Variants in CACNA1A observed in about 807,000 individuals in gnomAD.
CACNA1A encodes the protein calcium voltage-gated channel subunit alpha1 A.
Under a neutral mutation model 262.4 loss-of-function variants are expected in CACNA1A, and 57 were observed. That is an observed-to-expected ratio of 0.22 (90% CI 0.18 to 0.27). The LOEUF (loss-of-function observed/expected upper bound fraction) is 0.27, where lower values mean the gene tolerates loss of function less well. Among genes scored for constraint, CACNA1A ranks in the 10% least tolerant of loss-of-function variants. The pLI is 1.00. For synonymous variants in CACNA1A, 1,431 were observed against 1,419.3 expected (o/e 1.01, Z -0.18); for missense variants, 2,526 against 3,562.8 (o/e 0.71, Z 7.41).
chr19:13,492,727 A>G (rs1201476026), intron 1 of CACNA1A, among the ~76,000 whole-genome samples: 1 of 152,174 alleles, frequency 6.6e-6, no homozygotes. Context: ...TTCCTTTGGA[A>G]AAAAACAAAA....
intron 38 of CACNA1A, among the ~76,000 whole-genome samples, chr19:13,216,285 G>C (rs1455398142): frequency 2.0e-5 from 3 of 152,260 alleles, no homozygotes; most frequent in South Asian, 4.1e-4. Context: ...TGCTAATGGG[G>C]TGTGCACCAT....
At chr19:13,418,360 C>T (rs986167961) in intron 3 of CACNA1A, among the ~76,000 whole-genome samples, 1 of 152,060 alleles carries the variant, frequency 6.6e-6, no homozygotes, top group African/African-American at 2.4e-5. Context: ...GATGTCAGAA[C>T]CTGAATTCAA....
Position 13,261,156 on chromosome 19 carries a change from C to G in CACNA1A, c.4250+294G>C, listed in dbSNP as rs982380680. The G allele has an allele frequency of 1.7e-4, 51 of 307,800 alleles. No individual in the cohort carries two copies. The East Asian group carries it at 2.8e-3, about 17-fold the overall frequency. The allele number at this position is 307,800 out of a possible 1,614,324, so 19.1% of individuals were successfully genotyped here. On this transcript the variant is annotated intron_variant, in intron 26 of 46. Transcript: ENST00000360228. ...ATTCTCAACTTTGAAACACATCTGC[C>G]TGTAACGATTTCAAGTAAGGAACTG...
chr19:13,345,998 T>G (rs2058757794), intron 6 of CACNA1A, among the ~76,000 whole-genome samples: 1 of 150,236 alleles, frequency 6.7e-6, no homozygotes, highest in South Asian at 2.1e-4. Context: ...TCTCCTGGGT[T>G]CAAGCGATTC....
In CACNA1A at chr19:13,375,597, G is replaced by C. The variant is rs575118956; in HGVS notation, c.540-3818C>G. 7.2e-5 allele frequency among the ~76,000 whole-genome samples: 11 copies of C among 152,170 alleles called. 1 individual carries two copies. Among genetic ancestry groups the C allele is most frequent in the African/African-American group, 2.4e-4 (10 of 41,524 alleles). ...GAGCCTAGGAGTTTGAGACTAGCTTGGGCAAAATAGGGAGACCCTATCTCT... is the reference window on the plus strand; with the variant it reads ...GAGCCTAGGAGTTTGAGACTAGCTTCGGCAAAATAGGGAGACCCTATCTCT... On this transcript the variant is annotated intron_variant, in intron 3 of 46. Coordinates refer to ENST00000360228, the MANE Select transcript of CACNA1A (RefSeq NM_001127222.2).
At chr19:13,461,566 G>A (rs1171211488) in intron 1 of CACNA1A, among the ~76,000 whole-genome samples, 1 of 152,194 alleles carries the variant, frequency 6.6e-6, no homozygotes, top group East Asian at 1.9e-4. Flanking sequence ...GGCATGGTAA[G>A]AGATGCCTCG....
At chr19:13,231,603 G>C (rs2055669040) in intron 35 of CACNA1A, 107 bp downstream of exon 35, 4 of 1,179,326 alleles carry the variant, frequency 3.4e-6, no homozygotes, top group African/African-American at 3.1e-5. Context: ...GAGAAGCCTT[G>C]GAGGGAACAA....
intron 28 of CACNA1A, among the ~76,000 whole-genome samples, chr19:13,255,705 TTCCCTCCCTCCCTCCTTCTCTCCC>T (rs1555743382): frequency 6.3e-5 from 2 of 31,850 alleles, no homozygotes; most frequent in African/African-American, 2.4e-4. Flanking sequence ...CCCTCCTTCC[TTCCCTCCCTCCCTCCTTCTCTCCC>T]TCCCTCCTTC....
At chr19:13,459,727 G>A (rs1011517753) in intron 1 of CACNA1A, among the ~76,000 whole-genome samples, 13 of 152,128 alleles carry the variant, frequency 8.5e-5, no homozygotes, top group African/African-American at 2.9e-4. Context: ...CTCCTTACAC[G>A]CGCTTCTGCC....
At chr19:13,502,475 A>G (rs1048257507) in intron 1 of CACNA1A, among the ~76,000 whole-genome samples, 1 of 151,848 alleles carries the variant, frequency 6.6e-6, no homozygotes, top group African/African-American at 2.4e-5. Context: ...TGGGGAGGGA[A>G]CTCTAGGAAG....
chr19:13,233,920 G>A (rs1047705897), intron 34 of CACNA1A, among the ~76,000 whole-genome samples: 4 of 151,708 alleles, frequency 2.6e-5, no homozygotes, highest in Non-Finnish European at 2.9e-5. Flanking sequence ...CTATTTCCTG[G>A]TGCATCCTCG....
At chr19:13,415,775 T>TAAAAAAAAAAAAAAAAAAA (rs1568623943) in intron 3 of CACNA1A, among the ~76,000 whole-genome samples, 4 of 83,778 alleles carry the variant, frequency 4.8e-5, no homozygotes, top group Non-Finnish European at 1.0e-4. Flanking sequence ...AAAAAAAAAG[T>TAAAAAAAAAAAAAAAAAAA]AGATGGGGCC....
At chr19:13,357,197 AC>A (rs2059020892) in intron 6 of CACNA1A, among the ~76,000 whole-genome samples, 1 of 152,024 alleles carries the variant, frequency 6.6e-6, no homozygotes, top group Non-Finnish European at 1.5e-5. Context: ...AAATTCCTTA[AC>A]CCATTTATGC....
chr19:13,470,702 G>A (rs753292192), intron 1 of CACNA1A, among the ~76,000 whole-genome samples: 13 of 152,296 alleles, frequency 8.5e-5, no homozygotes, highest in Admixed American at 2.6e-4. Context: ...GCCCTGCAAC[G>A]CTGCCCTCCA....
At chr19:13,390,875 C>G (rs1285125771) in intron 3 of CACNA1A, among the ~76,000 whole-genome samples, 1 of 152,078 alleles carries the variant, frequency 6.6e-6, no homozygotes, top group East Asian at 1.9e-4. Flanking sequence ...GGTTTGGTTC[C>G]CGAACCACCT....
At chr19:13,343,970 G>T (rs942102920) in intron 6 of CACNA1A, among the ~76,000 whole-genome samples, 8 of 152,156 alleles carry the variant, frequency 5.3e-5, no homozygotes, top group Non-Finnish European at 8.8e-5. Flanking sequence ...CAGCACTTTG[G>T]GGGGCTAAGG....
intron 15 of CACNA1A, 194 bp downstream of exon 15, chr19:13,307,588 C>T (rs1285128413): frequency 1.0e-5 from 6 of 572,524 alleles, no homozygotes; most frequent in Non-Finnish European, 1.9e-5. Context: ...ACTATCTTTC[C>T]AATGACATTC....
intron 6 of CACNA1A, among the ~76,000 whole-genome samples, chr19:13,350,392 T>C (rs2058885371): frequency 6.6e-6 from 1 of 152,192 alleles, no homozygotes; most frequent in South Asian, 2.1e-4. Flanking sequence ...CAGTTTCACC[T>C]TGGGGAGGAA....
At chr19:13,419,103 C>T (rs113777505) in intron 3 of CACNA1A, among the ~76,000 whole-genome samples, 5,640 of 152,208 alleles carry the variant, frequency 0.037, 224 homozygotes, top group East Asian at 0.17. Flanking sequence ...CCATGTTGGC[C>T]AGGCTGGGCT....
Sources: allele counts gnomAD v4.1 joint callset (sites outside exome capture counted in the v4.1 genomes callset), GRCh38; gene constraint gnomAD v4.1.1; transcripts MANE v1.5; gene names NCBI Gene and HGNC (gene_info 2026-07-23, HGNC 2026-07-21).